ASIC2: variants seen among roughly 807,000 people sequenced by gnomAD.
ASIC2 encodes the protein acid sensing ion channel subunit 2.
Under a neutral mutation model 57.3 loss-of-function variants are expected in ASIC2, and 25 were observed. The ratio of observed to expected loss-of-function variants is 0.44; its 90% CI spans 0.32 to 0.61. The LOEUF (loss-of-function observed/expected upper bound fraction) is 0.61. Ranked by LOEUF, ASIC2 falls within the 20% of genes least tolerant of loss-of-function variation. The pLI is 0.06. For missense variants in ASIC2, 641 were observed against 738.1 expected (o/e 0.87, Z 1.52); for synonymous variants, 319 against 307.5 (o/e 1.04, Z -0.39).
Position 33,309,301 on chromosome 17 carries a change from AAAG to A in ASIC2, c.556-197237_556-197235del, listed in dbSNP as rs368270567. The stretch of plus-strand genomic sequence containing the variant: ...CATATACCCCATTAAAATGATAGTA[AAAG>A]AAGAAAAAGGAGGATTCTTTTAAAG... On this transcript the variant is annotated intron_variant, in intron 1 of 9. Transcript: ENST00000359872. Among the ~76,000 whole-genome samples, 64 of 152,306 alleles carry A rather than the reference AAAG, an allele frequency of 4.2e-4. 2 individuals are homozygous for A. The highest frequency in any genetic ancestry group is 1.5e-3 in the African/African-American group (63 of 41,560).
intron 1 of ASIC2, among the ~76,000 whole-genome samples, chr17:33,156,766 A>AAAAC (rs543977098): frequency 4.7e-4 from 72 of 152,224 alleles, no homozygotes; most frequent in Middle Eastern, 3.4e-3. Context: ...AAAAAAAACA[A>AAAAC]AAACAAACAA....
chr17:33,564,543 G>A lies in ASIC2; in HGVS notation c.556-452476C>T, dbSNP rs182088145. ...TATCCTTTTTATTTGTTGTCTTTCT[G>A]CAAATAGGAATATCCAAAGGTTGCA... On this transcript the variant is annotated intron_variant, in intron 1 of 9. Coordinates refer to the ASIC2 transcript ENST00000359872. 1.3e-4 allele frequency among the ~76,000 whole-genome samples: 20 copies of A among 152,338 alleles called. No homozygotes were observed. The East Asian group carries it at 3.9e-3, about 29-fold the overall frequency.
chr17:33,997,475 AT>A (rs1479497123), intron 1 of ASIC2, among the ~76,000 whole-genome samples: 1 of 151,622 alleles, frequency 6.6e-6, no homozygotes, highest in East Asian at 1.9e-4. Context: ...TCTTTTAGAT[AT>A]TTTTTTCATC....
intron 1 of ASIC2, among the ~76,000 whole-genome samples, chr17:34,030,423 C>A (rs919756435): frequency 6.6e-6 from 1 of 152,236 alleles, no homozygotes; most frequent in African/African-American, 2.4e-5. Context: ...CAGCTCCCAG[C>A]TTGAGCAACG....
At chr17:33,406,362 A>G (rs1343284759) in intron 1 of ASIC2, among the ~76,000 whole-genome samples, 1 of 152,164 alleles carries the variant, frequency 6.6e-6, no homozygotes, top group African/African-American at 2.4e-5. Flanking sequence ...TTCCTCTTTC[A>G]ATGTGGACGG....
chr17:33,736,308 C>T (rs773981371), intron 1 of ASIC2, among the ~76,000 whole-genome samples: 25 of 151,556 alleles, frequency 1.6e-4, no homozygotes, highest in South Asian at 2.1e-4. Flanking sequence ...CCCGAGGCAG[C>T]GATAAAAGCT....
At chr17:33,279,164 G>A (rs1464360243) in intron 1 of ASIC2, among the ~76,000 whole-genome samples, 2 of 152,168 alleles carry the variant, frequency 1.3e-5, no homozygotes, top group African/African-American at 4.8e-5. Context: ...AAATATTCGG[G>A]TCATAGATAA....
chr17:34,105,100 A>C (rs923616825), intron 1 of ASIC2, among the ~76,000 whole-genome samples: 1 of 152,060 alleles, frequency 6.6e-6, no homozygotes, highest in African/African-American at 2.4e-5. Flanking sequence ...TTTTGATTTA[A>C]AAATTCAATT....
chr17:33,375,502 A>G (rs1316289193), intron 1 of ASIC2, among the ~76,000 whole-genome samples: 1 of 152,210 alleles, frequency 6.6e-6, no homozygotes, highest in Non-Finnish European at 1.5e-5. Flanking sequence ...TTTACGGCAC[A>G]CTATTAAAAG....
chr17:33,079,748 C>T (rs370516247), intron 3 of ASIC2, among the ~76,000 whole-genome samples: 4 of 152,062 alleles, frequency 2.6e-5, no homozygotes, highest in East Asian at 1.9e-4. Flanking sequence ...TGGGCACTTA[C>T]GGTATGCCAA....
At chr17:33,496,614 T>G (rs1424764898) in intron 1 of ASIC2, among the ~76,000 whole-genome samples, 1 of 78,708 alleles carries the variant, frequency 1.3e-5, no homozygotes, top group Non-Finnish European at 2.8e-5. Context: ...TTTTTTTTTT[T>G]TTTTTTTTTT....
At chr17:33,282,517 C>T (rs1904998343) in intron 1 of ASIC2, among the ~76,000 whole-genome samples, 1 of 151,556 alleles carries the variant, frequency 6.6e-6, no homozygotes, top group Non-Finnish European at 1.5e-5. Flanking sequence ...CCCTGTTGTC[C>T]AGGCTGGAGT....
At chr17:33,727,724 T>G (rs1171707469) in intron 1 of ASIC2, among the ~76,000 whole-genome samples, 1 of 152,224 alleles carries the variant, frequency 6.6e-6, no homozygotes, top group Non-Finnish European at 1.5e-5. Context: ...CTTTACTGTC[T>G]GCAGAACGAT....
chr17:33,162,823 C>G (rs1567768764), intron 1 of ASIC2, among the ~76,000 whole-genome samples: 1 of 152,140 alleles, frequency 6.6e-6, no homozygotes, highest in African/African-American at 2.4e-5. Context: ...GGTAGCAGCT[C>G]CCCTGGAGGG....
chr17:33,174,702 T>A (rs1299091579), intron 1 of ASIC2, among the ~76,000 whole-genome samples: 1 of 152,154 alleles, frequency 6.6e-6, no homozygotes, highest in African/African-American at 2.4e-5. Flanking sequence ...GGAAGAGGCA[T>A]GTGTCCCTGC....
chr17:33,229,548 A>G (rs1908013529), intron 1 of ASIC2, among the ~76,000 whole-genome samples: 1 of 152,200 alleles, frequency 6.6e-6, no homozygotes, highest in Admixed American at 6.5e-5. Context: ...GGACCTTGAA[A>G]GGCAGATGTG....
chr17:33,155,007 C>T (rs1374809929), intron 1 of ASIC2, among the ~76,000 whole-genome samples: 4 of 152,290 alleles, frequency 2.6e-5, no homozygotes, highest in Middle Eastern at 3.4e-3. Flanking sequence ...TCACCTGCGC[C>T]GCGGTGCTGA....
At chr17:33,579,331 T>G (rs1916791462) in intron 1 of ASIC2, among the ~76,000 whole-genome samples, 1 of 148,404 alleles carries the variant, frequency 6.7e-6, no homozygotes, top group Non-Finnish European at 1.5e-5. Flanking sequence ...AGATGTTGGC[T>G]CAGGGCACAC....
chr17:33,905,355 A>G (rs1915325819), intron 1 of ASIC2, among the ~76,000 whole-genome samples: 1 of 152,142 alleles, frequency 6.6e-6, no homozygotes, highest in Non-Finnish European at 1.5e-5. Flanking sequence ...CCCAGGACAG[A>G]CATGACTGAT....
Sources: gnomAD v4.1 joint callset for allele counts (sites outside exome capture counted in the v4.1 genomes callset) on GRCh38, gnomAD v4.1.1 for gene constraint, MANE v1.5 for transcripts, NCBI Gene and HGNC (gene_info 2026-07-23, HGNC 2026-07-21) for gene names.